PDE3A: variants seen among roughly 807,000 people sequenced by gnomAD.
The protein encoded by PDE3A is cGMP-inhibited 3',5'-cyclic phosphodiesterase 3A.
In PDE3A, 43 loss-of-function variants were observed where a neutral mutation model predicts 98.3. That is an observed-to-expected ratio of 0.44 (90% CI 0.34 to 0.56). PDE3A has a LOEUF of 0.56. PDE3A is among the 20% of genes least tolerant of loss of function. PDE3A has a pLI of 0.01. For missense variants in PDE3A, 1,427 were observed against 1,440.7 expected (o/e 0.99, Z 0.15); for synonymous variants, 663 against 567.9 (o/e 1.17, Z -2.38).
chr12:20,392,860 G>C (rs1254738704), intron 1 of PDE3A, among the ~76,000 whole-genome samples: 1 of 151,932 alleles, frequency 6.6e-6, no homozygotes, highest in Non-Finnish European at 1.5e-5. Context: ...ATTATGTTAG[G>C]GAAAATAAAC....
chr12:20,502,520 G>T (rs1344023269), intron 1 of PDE3A, among the ~76,000 whole-genome samples: 1 of 152,082 alleles, frequency 6.6e-6, no homozygotes, highest in Non-Finnish European at 1.5e-5. Flanking sequence ...TTTGTCTGTA[G>T]TCTGTCTTCC....
chr12:20,607,648 T>C (rs540918405), intron 2 of PDE3A, among the ~76,000 whole-genome samples: 9 of 151,896 alleles, frequency 5.9e-5, no homozygotes, highest in Non-Finnish European at 1.3e-4. Context: ...TTTTCTGAAA[T>C]GTTAAATATA....
At chr12:20,648,922 T>G (rs778746522) in intron 13 of PDE3A, 31 bp downstream of exon 13, 15 of 1,200,644 alleles carry the variant, frequency 1.2e-5, no homozygotes, top group Non-Finnish European at 1.6e-5. Flanking sequence ...TTTTCTTTTC[T>G]TTTTCTTTTT....
At chr12:20,654,378 T>G (rs767965000) in intron 15 of PDE3A, among the ~76,000 whole-genome samples, 173 bp downstream of exon 15, 6 of 152,236 alleles carry the variant, frequency 3.9e-5, no homozygotes, top group African/African-American at 7.2e-5. Flanking sequence ...TCCCAGACTA[T>G]GGAATCTATA....
At position 20,368,876 on chromosome 12, in the gene PDE3A, T is replaced by A. The variant is rs1053825446; in HGVS notation, c.-409T>A. On this transcript the variant is annotated 5_prime_UTR_variant, in exon 1 of 16. Coordinates refer to ENST00000359062, the MANE Select transcript of PDE3A (RefSeq NM_000921.5). Reference sequence around the variant, plus strand: ...CCCTGCGCCCCCGGCTCCTCCAGCGTCAGCGGCTCCTGCGCGCGGGATGCA... The same window carrying A: ...CCCTGCGCCCCCGGCTCCTCCAGCGACAGCGGCTCCTGCGCGCGGGATGCA... Among the ~76,000 whole-genome samples the A allele has an allele frequency of 1.3e-5, 2 of 151,888 alleles. No individual in the cohort carries two copies. Among genetic ancestry groups the A allele is most frequent in the Admixed American group, 1.3e-4 (2 of 15,262 alleles).
chr12:20,575,947 A>G (rs190844494), intron 2 of PDE3A, among the ~76,000 whole-genome samples: 1 of 152,070 alleles, frequency 6.6e-6, no homozygotes, highest in African/African-American at 2.4e-5. Context: ...ATGTACACAA[A>G]GAACTTACAC....
chr12:20,386,001 T>TATATAAATATATATAAAATATAG (rs1943756211), intron 1 of PDE3A, among the ~76,000 whole-genome samples: 1 of 107,592 alleles, frequency 9.3e-6, no homozygotes, highest in Non-Finnish European at 1.7e-5. Context: ...ATAAAATATA[T>TATATAAATATATATAAAATATAG]ATATAAATAT....
intron 1 of PDE3A, among the ~76,000 whole-genome samples, chr12:20,554,646 G>A (rs1372536902): frequency 2.0e-5 from 3 of 151,570 alleles, no homozygotes; most frequent in Non-Finnish European, 4.4e-5. Flanking sequence ...GAGTGCAGCA[G>A]CGCGATCTCA....
At chr12:20,515,699 A>ATTAT (rs58454608) in intron 1 of PDE3A, among the ~76,000 whole-genome samples, 22,876 of 140,826 alleles carry the variant, frequency 0.16, 2,081 homozygotes, top group East Asian at 0.25. Context: ...CTCACACTGT[A>ATTAT]TTATTTATTT....
At chr12:20,668,407 A>T (rs1285972885) in intron 15 of PDE3A, among the ~76,000 whole-genome samples, 1 of 152,004 alleles carries the variant, frequency 6.6e-6, no homozygotes, top group African/African-American at 2.4e-5. Context: ...GGCACAGACA[A>T]ACAAAAAGAC....
At position 20,603,148 on chromosome 12, in the gene PDE3A, T is replaced by A. The variant is rs573805997; in HGVS notation, c.1012-10295T>A. On this transcript the variant is annotated intron_variant, in intron 2 of 15. Coordinates refer to ENST00000359062, the MANE Select transcript of PDE3A (RefSeq NM_000921.5). ...CTTTTCCCAGCATTGAGGACCAAAG[T>A]TGGATGAGAAAAGCCCCAGTGACTA... Among the ~76,000 whole-genome samples the A allele has an allele frequency of 3.3e-5, 5 of 152,294 alleles. No individual in the cohort carries two copies. The South Asian group carries it at 6.2e-4, about 19-fold the overall frequency.
At chr12:20,451,482 C>T (rs1945064565) in intron 1 of PDE3A, among the ~76,000 whole-genome samples, 1 of 152,092 alleles carries the variant, frequency 6.6e-6, no homozygotes, top group Admixed American at 6.5e-5. Flanking sequence ...CCATGTTGGC[C>T]AGGCTGGTCT....
At position 20,369,527 on chromosome 12, in the gene PDE3A, C is replaced by T. The variant is rs746172015; in HGVS notation, c.243C>T (p.Val81=). Residue 81 remains valine, a synonymous_variant, in exon 1 of 16, where the codon GTC becomes GTT. Coordinates refer to ENST00000359062, the MANE Select transcript of PDE3A (RefSeq NM_000921.5). ...SFLLALLVRL[V]RGEVGCDLEQ... is the part of the protein sequence containing the mutation. ...TGCTGGCGCTGCTGGTGAGGCTGGT[C>T]CGCGGGGAGGTCGGCTGTGACCTGG... The T allele has an allele frequency of 2.6e-6, 4 of 1,559,282 alleles. No homozygotes were observed. In the Admixed American group the frequency reaches 5.7e-5, roughly 22 times the overall value.
At chr12:20,668,210 T>C (rs1945372218) in intron 15 of PDE3A, among the ~76,000 whole-genome samples, 1 of 152,016 alleles carries the variant, frequency 6.6e-6, no homozygotes, top group Non-Finnish European at 1.5e-5. Context: ...GCCCACAGAG[T>C]CTCGCTGATT....
At chr12:20,493,615 C>T (rs1008938837) in intron 1 of PDE3A, among the ~76,000 whole-genome samples, 68 of 152,168 alleles carry the variant, frequency 4.5e-4, no homozygotes, top group Admixed American at 3.0e-3. Context: ...TTCACACTCA[C>T]ACCCATTCAC....
At chr12:20,644,202 T>C (rs1467770590) in intron 10 of PDE3A, among the ~76,000 whole-genome samples, 1 of 152,188 alleles carries the variant, frequency 6.6e-6, no homozygotes, top group African/African-American at 2.4e-5. Context: ...ATTACTATCT[T>C]CTACCGATGG....
chr12:20,441,224 A>G (rs550725120), intron 1 of PDE3A, among the ~76,000 whole-genome samples: 1 of 152,344 alleles, frequency 6.6e-6, no homozygotes, highest in Non-Finnish European at 1.5e-5. Context: ...CAGACTTGAA[A>G]GAGATTATTT....
intron 15 of PDE3A, among the ~76,000 whole-genome samples, chr12:20,657,489 A>G (rs1945069895): frequency 6.6e-6 from 1 of 152,176 alleles, no homozygotes; most frequent in South Asian, 2.1e-4. Context: ...ACAGAATAAA[A>G]TGTTTCAATA....
At chr12:20,601,825 C>T (rs1008732724) in intron 2 of PDE3A, among the ~76,000 whole-genome samples, 20 of 151,670 alleles carry the variant, frequency 1.3e-4, no homozygotes, top group African/African-American at 2.4e-5. Flanking sequence ...GGCAGTAGCA[C>T]TTGTTTTAAA....
Sources: gnomAD v4.1 joint callset for allele counts (sites outside exome capture counted in the v4.1 genomes callset) on GRCh38, gnomAD v4.1.1 for gene constraint, MANE v1.5 for transcripts, NCBI Gene and HGNC (gene_info 2026-07-23, HGNC 2026-07-21) for gene names.